FBXO42: variants seen among roughly 807,000 people sequenced by gnomAD.
FBXO42 encodes F-box only protein 42.
FBXO42 carries 12 observed loss-of-function variants against 71.7 expected under a neutral mutation model. The observed-to-expected ratio is 0.17, with a 90% confidence interval of 0.11 to 0.27. The LOEUF is 0.27. FBXO42 is among the 10% of genes least tolerant of loss of function. The probability of loss-of-function intolerance (pLI) is 1.00; values close to 1 mark genes in which losing one functional copy is unlikely to be tolerated. For missense variants in FBXO42, 707 were observed against 911.9 expected, an observed-to-expected ratio of 0.78 and a Z score of 2.89; for synonymous variants, 325 against 327.5, an observed-to-expected ratio of 0.99 and a Z score of 0.08.
At chr1:16,267,432 A>C (rs959052056) in intron 4 of FBXO42, among the ~76,000 whole-genome samples, 3 of 152,128 alleles carry the variant, frequency 2.0e-5, no homozygotes, top group African/African-American at 7.2e-5. Context: ...GATTCTCCCC[A>C]GTAAGACTAC....
At chr1:16,334,874 C>T (rs578244564) in intron 1 of FBXO42, among the ~76,000 whole-genome samples, 1 of 151,918 alleles carries the variant, frequency 6.6e-6, no homozygotes, top group African/African-American at 2.4e-5. Context: ...AAAGCAAATA[C>T]AAATTAAATG....
At chr1:16,351,394 G>C (rs920816128) in intron 1 of FBXO42, among the ~76,000 whole-genome samples, 1 of 152,200 alleles carries the variant, frequency 6.6e-6, no homozygotes, top group African/African-American at 2.4e-5. Flanking sequence ...AACTGGTAAT[G>C]TGTCAGAATC....
chr1:16,321,322 T>C (rs780196518), intron 1 of FBXO42, among the ~76,000 whole-genome samples: 13 of 152,142 alleles, frequency 8.5e-5, no homozygotes, highest in Non-Finnish European at 1.5e-4. Flanking sequence ...TAGCCCTTCT[T>C]TTTCACTTCC....
chr1:16,324,943 G>T (rs190897242), intron 1 of FBXO42, among the ~76,000 whole-genome samples: 3 of 152,002 alleles, frequency 2.0e-5, no homozygotes, highest in African/African-American at 7.3e-5. Flanking sequence ...GCCACTTACA[G>T]AATTACCTTT....
chr1:16,284,206 G>A (rs1376537946), intron 4 of FBXO42, among the ~76,000 whole-genome samples: 1 of 152,148 alleles, frequency 6.6e-6, no homozygotes, highest in African/African-American at 2.4e-5. Flanking sequence ...AGACTACAAT[G>A]TACATAATTA....
chr1:16,320,082 G>A (rs749530837), intron 1 of FBXO42, among the ~76,000 whole-genome samples: 1 of 151,186 alleles, frequency 6.6e-6, no homozygotes, highest in Non-Finnish European at 1.5e-5. Context: ...TACAGTCGCC[G>A]AGCATGGTGG....
At chr1:16,284,693 C>T (rs538112538) in intron 4 of FBXO42, among the ~76,000 whole-genome samples, 15 of 152,152 alleles carry the variant, frequency 9.9e-5, no homozygotes, top group African/African-American at 2.2e-4. Context: ...TTAGGCCAGG[C>T]GCAGGGACTC....
At chr1:16,309,112 G>A (rs2082286464) in intron 2 of FBXO42, among the ~76,000 whole-genome samples, 1 of 136,998 alleles carries the variant, frequency 7.3e-6, no homozygotes, top group Non-Finnish European at 1.5e-5. Context: ...CTGTCACCTA[G>A]GCTGGAGTGC....
In FBXO42 at chr1:16,257,897, T is replaced by C. The variant is rs574047881; in HGVS notation, c.503-1138A>G. On this transcript the variant is annotated intron_variant, in intron 4 of 9. Coordinates refer to ENST00000375592, the MANE Select transcript of FBXO42 (RefSeq NM_018994.3). ...GGTTTCACCATGTTGGCCAGGCTGG[T>C]CTCAAACTCCTGACCTCAGGTGATC... 5.3e-3 allele frequency among the ~76,000 whole-genome samples: 806 copies of C among 152,280 alleles called. 7 individuals are homozygous for C. Among genetic ancestry groups the C allele is most frequent in the African/African-American group, 0.019 (772 of 41,556 alleles).
chr1:16,321,899 T>G (rs1349635858), intron 1 of FBXO42, among the ~76,000 whole-genome samples: 2 of 152,162 alleles, frequency 1.3e-5, no homozygotes, highest in African/African-American at 4.8e-5. Context: ...CCAGGCGTGG[T>G]GGCTCACGCC....
Position 16,311,100 on chromosome 1 carries a change from C to T in FBXO42, c.250+4069G>A, listed in dbSNP as rs1450221501. Among the ~76,000 whole-genome samples the T allele has an allele frequency of 4.1e-5, 3 of 73,076 alleles. 1 individual carries two copies. The highest frequency in any genetic ancestry group is 1.2e-4 in the African/African-American group (2 of 16,916). 47.9% of individuals were successfully genotyped at this position (73,076 alleles called of 152,430 possible). The stretch of plus-strand genomic sequence containing the variant: ...CCAACACTTTGGGGAATGGCATGAA[C>T]CCAGGAGGCGGAGCTTGCAATAAGC... On this transcript the variant is annotated intron_variant, in intron 2 of 9. Coordinates refer to ENST00000375592, the MANE Select transcript of FBXO42 (RefSeq NM_018994.3).
chr1:16,333,433 G>A (rs1226560638), intron 1 of FBXO42, among the ~76,000 whole-genome samples: 4 of 99,510 alleles, frequency 4.0e-5, no homozygotes, highest in African/African-American at 1.3e-4. Context: ...GGCAAATAGT[G>A]AGACCCCCCC....
chr1:16,267,042 G>A (rs371467495), intron 4 of FBXO42, among the ~76,000 whole-genome samples: 105 of 152,116 alleles, frequency 6.9e-4, no homozygotes, highest in African/African-American at 2.5e-3. Flanking sequence ...AGGGATAAAA[G>A]GATAATTGAG....
chr1:16,326,300 T>A (rs1161559244), intron 1 of FBXO42, among the ~76,000 whole-genome samples: 1 of 150,636 alleles, frequency 6.6e-6, no homozygotes, highest in Non-Finnish European at 1.5e-5. Flanking sequence ...AGGTGATCCA[T>A]CTGCCTGGGC....
intron 4 of FBXO42, among the ~76,000 whole-genome samples, chr1:16,271,258 G>GGGGTGTGTGT (rs1356399718): frequency 7.3e-6 from 1 of 137,426 alleles, no homozygotes; most frequent in African/African-American, 2.7e-5. Flanking sequence ...TGTGTGTGTT[G>GGGGTGTGTGT]GTGTGTGTGT....
chr1:16,262,374 C>T (rs1027166978), intron 4 of FBXO42, among the ~76,000 whole-genome samples: 3 of 152,094 alleles, frequency 2.0e-5, no homozygotes, highest in South Asian at 2.1e-4. Context: ...AATTCCCTCT[C>T]GATGATCTTA....
intron 4 of FBXO42, among the ~76,000 whole-genome samples, chr1:16,283,494 GTTTTTTT>G (rs386366300): frequency 8.6e-5 from 7 of 80,972 alleles, no homozygotes; most frequent in African/African-American, 2.7e-4. Flanking sequence ...ACTGTGGCAA[GTTTTTTT>G]TTTTTTTTTT....
intron 1 of FBXO42, 82 bp downstream of exon 1, chr1:16,352,173 C>T (rs1004522927): frequency 2.6e-6 from 1 of 391,280 alleles, no homozygotes; most frequent in African/African-American, 2.1e-5. Flanking sequence ...CCCGGGCGCC[C>T]GCTGCCCCTT....
intron 1 of FBXO42, among the ~76,000 whole-genome samples, chr1:16,339,310 GT>G (rs1350888592): frequency 1.3e-5 from 2 of 151,642 alleles, no homozygotes; most frequent in Non-Finnish European, 2.9e-5. Flanking sequence ...TATTGTTATA[GT>G]TTTTTTGTTT....
Sources: allele counts gnomAD v4.1 joint callset (sites outside exome capture counted in the v4.1 genomes callset), GRCh38; gene constraint gnomAD v4.1.1; transcripts MANE v1.5; gene names NCBI Gene and HGNC (gene_info 2026-07-23, HGNC 2026-07-21).